PRKN: variants seen among roughly 807,000 people sequenced by gnomAD.
PRKN encodes the protein parkin RBR E3 ubiquitin protein ligase.
In PRKN, 56 loss-of-function variants were observed where a neutral mutation model predicts 59.5. The ratio of observed to expected loss-of-function variants is 0.94; its 90% confidence interval spans 0.76 to 1.18. The LOEUF (loss-of-function observed/expected upper bound fraction) is 1.18. Among genes scored for constraint, PRKN ranks in the 50% most tolerant of loss-of-function variants. PRKN has a pLI of 0.00. For synonymous variants in PRKN, 250 were observed against 222.1 expected (o/e 1.13, Z -1.12); for missense variants, 657 against 596.4 (o/e 1.10, Z -1.06).
Position 161,592,011 on chromosome 6 carries a change from G to A in PRKN, c.872-22595C>T, listed in dbSNP as rs1781743405. Among the ~76,000 whole-genome samples the A allele has an allele frequency of 6.6e-6, 1 of 152,066 alleles. No homozygotes were observed. The highest frequency in any genetic ancestry group is 1.5e-5 in the Non-Finnish European group (1 of 68,018). ...GCTCAAGTCTCTGATATACAATGAT[G>A]TAGTATTTCTATATAACCTATGCAC... On this transcript the variant is annotated intron_variant, in intron 7 of 11. Transcript: ENST00000366898. The surrounding 1 kb of genome is among the most constrained non-coding windows in gnomAD (Gnocchi z 4.8).
At chr6:162,053,783 C>T (rs1408523255) in intron 5 of PRKN, among the ~76,000 whole-genome samples, 1 of 152,110 alleles carries the variant, frequency 6.6e-6, no homozygotes, top group Non-Finnish European at 1.5e-5. Flanking sequence ...GGAGGCTCTG[C>T]ACTGGCTCTC....
intron 4 of PRKN, among the ~76,000 whole-genome samples, chr6:162,109,452 G>C (rs1042947594): frequency 1.3e-5 from 2 of 152,184 alleles, no homozygotes; most frequent in African/African-American, 4.8e-5. Context: ...TAATGAGTGA[G>C]GACGCAAGGC....
intron 2 of PRKN, among the ~76,000 whole-genome samples, chr6:162,411,583 G>C (rs1239489435): frequency 6.6e-6 from 1 of 152,086 alleles, no homozygotes; most frequent in African/African-American, 2.4e-5. Flanking sequence ...AAATATCACT[G>C]TCATTTAAAT....
intron 1 of PRKN, among the ~76,000 whole-genome samples, chr6:162,486,897 C>T (rs917615414): frequency 2.6e-5 from 4 of 151,904 alleles, no homozygotes; most frequent in South Asian, 4.2e-4. Context: ...TGGTGAAATC[C>T]CATCTCTACT....
chr6:161,600,245 A>G (rs1307687343), intron 7 of PRKN, among the ~76,000 whole-genome samples: 1 of 151,712 alleles, frequency 6.6e-6, no homozygotes, highest in Non-Finnish European at 1.5e-5. Context: ...GATCAGCTAG[A>G]GTTATATTCT....
chr6:162,461,377 C>T (rs898882280), intron 1 of PRKN, among the ~76,000 whole-genome samples: 3 of 150,354 alleles, frequency 2.0e-5, no homozygotes, highest in Non-Finnish European at 4.4e-5. Flanking sequence ...TGGCACACAC[C>T]TGTAATACCA....
intron 6 of PRKN, among the ~76,000 whole-genome samples, chr6:161,800,268 G>A (rs774051672): frequency 3.8e-4 from 58 of 152,072 alleles, no homozygotes; most frequent in Non-Finnish European, 6.5e-4. Flanking sequence ...TGGGGCAATC[G>A]AGTGCTTGAT....
chr6:162,258,130 G>A (rs547060871), intron 3 of PRKN, among the ~76,000 whole-genome samples: 3 of 152,112 alleles, frequency 2.0e-5, no homozygotes, highest in Non-Finnish European at 2.9e-5. Flanking sequence ...CATCACACAG[G>A]CCTCGCGGCT....
rs1270286908 is a variant in PRKN, at chr6:161,347,614, T to G, written c.*2485A>C. 1 of 106,318 alleles carries G rather than the reference T, an allele frequency of 9.4e-6. No homozygotes were observed. Among genetic ancestry groups the G allele is most frequent in the Non-Finnish European group, 2.0e-5 (1 of 50,654 alleles). 6.6% of individuals were successfully genotyped at this position (106,318 alleles called of 1,614,324 possible). On this transcript the variant is annotated 3_prime_UTR_variant, in exon 12 of 12. Transcript: ENST00000366898. ...TGTAGTGGATGATCTTGCTTTTTTG[T>G]TTTTGTTTTTTTTTTTTTTTTGAGA... is the stretch of plus-strand genomic sequence containing the variant.
rs76658172 is a variant in PRKN, at chr6:161,425,718, A to G, written c.1084-38841T>C. Among the ~76,000 whole-genome samples the G allele has an allele frequency of 7.1e-3, 1,080 of 152,244 alleles. 19 individuals are homozygous for G. Among genetic ancestry groups the G allele is most frequent in the African/African-American group, 0.025 (1,036 of 41,526 alleles). On this transcript the variant is annotated intron_variant, in intron 9 of 11. Coordinates refer to ENST00000366898, the MANE Select transcript of PRKN (RefSeq NM_004562.3). ...TACAACTAAGTATCTTTTGGGTCAA[A>G]ATGTTTGTAAAGTATTATGAGGAGA...
At chr6:161,863,450 G>T (rs946972745) in intron 6 of PRKN, among the ~76,000 whole-genome samples, 1 of 152,170 alleles carries the variant, frequency 6.6e-6, no homozygotes, top group Non-Finnish European at 1.5e-5. Flanking sequence ...AATAATTTAT[G>T]TTTAACAAGT....
chr6:161,739,423 T>G (rs1006593338), intron 7 of PRKN, among the ~76,000 whole-genome samples: 2 of 151,968 alleles, frequency 1.3e-5, no homozygotes, highest in African/African-American at 4.8e-5. Flanking sequence ...ATAAATTAAT[T>G]AAATTAAAAC....
At position 162,538,980 on chromosome 6, in the gene PRKN, C is replaced by T. The variant is rs141107212; in HGVS notation, c.8-95507G>A. On this transcript the variant is annotated intron_variant, in intron 1 of 11. Coordinates refer to ENST00000366898, the MANE Select transcript of PRKN (RefSeq NM_004562.3). ...CAGGATGTCCTCTCCAAGTGATTACCGTGGGGGCCCACAATGTGGCGGCCT... is the reference window on the plus strand; with the variant it reads ...CAGGATGTCCTCTCCAAGTGATTACTGTGGGGGCCCACAATGTGGCGGCCT... Among the ~76,000 whole-genome samples the T allele has an allele frequency of 2.1e-3, 318 of 152,306 alleles. 1 individual carries two copies. The highest frequency in any genetic ancestry group is 3.5e-3 in the Non-Finnish European group (237 of 68,024).
intron 1 of PRKN, among the ~76,000 whole-genome samples, chr6:162,638,782 T>C (rs752453637): frequency 9.3e-5 from 12 of 128,672 alleles, no homozygotes; most frequent in South Asian, 7.5e-4. Flanking sequence ...TTTGCTCTTG[T>C]TGCCCATGCT....
chr6:162,424,587 T>A (rs922793711), intron 2 of PRKN, among the ~76,000 whole-genome samples: 5 of 151,580 alleles, frequency 3.3e-5, no homozygotes, highest in South Asian at 4.2e-4. Context: ...TACAAAAAAA[T>A]TAGCCGGGTG....
In PRKN at chr6:162,647,262, T is replaced by C. The variant is rs984295767; in HGVS notation, c.7+80400A>G. On this transcript the variant is annotated intron_variant, in intron 1 of 11. Coordinates refer to ENST00000366898, the MANE Select transcript of PRKN (RefSeq NM_004562.3). ...CCAAATACATGCATCTTAAAGGTAGTATTTTGCTAAATAAATTTATAAATT... is the reference window on the plus strand; with the variant it reads ...CCAAATACATGCATCTTAAAGGTAGCATTTTGCTAAATAAATTTATAAATT... Among the ~76,000 whole-genome samples the C allele has an allele frequency of 5.3e-5, 8 of 152,098 alleles. 1 individual carries two copies. Among genetic ancestry groups the C allele is most frequent in the African/African-American group, 1.9e-4 (8 of 41,446 alleles).
chr6:162,405,365 ACACATGCTT>A (rs1486095070), intron 2 of PRKN, among the ~76,000 whole-genome samples: 1 of 152,164 alleles, frequency 6.6e-6, no homozygotes, highest in Non-Finnish European at 1.5e-5. Context: ...AGTCGCCCTC[ACACATGCTT>A]GGACATCTGT....
intron 2 of PRKN, among the ~76,000 whole-genome samples, chr6:162,301,129 A>G (rs985627002): frequency 6.6e-6 from 1 of 152,140 alleles, no homozygotes; most frequent in African/African-American, 2.4e-5. Flanking sequence ...AGGCCACAGA[A>G]ATGCAAAAAC....
At position 162,662,092 on chromosome 6, in the gene PRKN, C is replaced by CT. The variant is rs35779144; in HGVS notation, c.7+65569dup. On this transcript the variant is annotated intron_variant, in intron 1 of 11. Coordinates refer to ENST00000366898, the MANE Select transcript of PRKN (RefSeq NM_004562.3). Reference sequence around the variant, plus strand: ...GCAATAAACATATGAATGAAGGTATCTTTTTTTTTTTAATAATTTCTTTCC... The same window carrying CT: ...GCAATAAACATATGAATGAAGGTATCTTTTTTTTTTTTAATAATTTCTTTCC... Among the ~76,000 whole-genome samples the CT allele has an allele frequency of 8.1e-4, 120 of 147,392 alleles. 1 individual carries two copies. The highest frequency in any genetic ancestry group is 1.2e-3 in the East Asian group (6 of 5,028).
Sources: gnomAD v4.1 joint callset for allele counts (sites outside exome capture counted in the v4.1 genomes callset) on GRCh38, gnomAD v4.1.1 for gene constraint, Gnocchi (gnomAD v3.1) non-coding constraint, MANE v1.5 for transcripts, NCBI Gene and HGNC (gene_info 2026-07-23, HGNC 2026-07-21) for gene names.